LUZP2: variants seen among roughly 807,000 people sequenced by gnomAD.
LUZP2 encodes the protein leucine zipper protein 2.
A neutral mutation model predicts 51.6 loss-of-function variants in LUZP2; 52 were observed. That is an observed-to-expected ratio of 1.01 (90% CI 0.81 to 1.27). LUZP2 has a LOEUF of 1.27. Among genes scored for constraint, LUZP2 ranks in the 50% most tolerant of loss-of-function variants. LUZP2 has a pLI of 0.00. For missense variants in LUZP2, 436 were observed against 395.4 expected, an observed-to-expected ratio of 1.10 and a Z score of -0.87; for synonymous variants, 154 against 137.3, an observed-to-expected ratio of 1.12 and a Z score of -0.85.
At chr11:24,717,098 G>A (rs1332589019) in intron 1 of LUZP2, among the ~76,000 whole-genome samples, 1 of 151,970 alleles carries the variant, frequency 6.6e-6, no homozygotes, top group Non-Finnish European at 1.5e-5. Flanking sequence ...GTTCTAGGAG[G>A]AGATTTCATG....
At position 24,611,916 on chromosome 11, in the gene LUZP2, A is replaced by G. The variant is rs1365020390; in HGVS notation, c.62+114611A>G. Among the ~76,000 whole-genome samples the G allele has an allele frequency of 6.6e-6, 1 of 152,214 alleles. No individual in the cohort carries two copies. Among genetic ancestry groups the G allele is most frequent in the Non-Finnish European group, 1.5e-5 (1 of 68,020 alleles). On this transcript the variant is annotated intron_variant, in intron 1 of 11. Coordinates refer to ENST00000336930, the MANE Select transcript of LUZP2 (RefSeq NM_001009909.4). The surrounding 1 kb of genome is among the most constrained non-coding windows in gnomAD (Gnocchi z 4.6). ...TAATATAAATGTAGTCTTGAGTCAG[A>G]CAATATGTGTTATGCCAAGAAGTTT...
At chr11:24,861,556 G>T (rs912207363) in intron 5 of LUZP2, among the ~76,000 whole-genome samples, 1 of 152,044 alleles carries the variant, frequency 6.6e-6, no homozygotes, top group African/African-American at 2.4e-5. Flanking sequence ...CATAATTGCC[G>T]GGTCCGTCCC....
At chr11:24,601,848 G>GTATATATATATATATATATATATA (rs67762793) in intron 1 of LUZP2, among the ~76,000 whole-genome samples, 1 of 136,818 alleles carries the variant, frequency 7.3e-6, no homozygotes, top group East Asian at 2.1e-4. Flanking sequence ...AAATAAACAG[G>GTATATATATATATATATATATATA]TATATATATA....
chr11:24,624,765 T>C (rs568795023), intron 1 of LUZP2, among the ~76,000 whole-genome samples: 2 of 152,188 alleles, frequency 1.3e-5, no homozygotes, highest in African/African-American at 2.4e-5. Context: ...CTGAGCTCCA[T>C]ATGTGATAAT....
intron 1 of LUZP2, among the ~76,000 whole-genome samples, chr11:24,645,651 C>A (rs1249128301): frequency 6.6e-6 from 1 of 151,962 alleles, no homozygotes; most frequent in Non-Finnish European, 1.5e-5. Context: ...TAACAATCTG[C>A]CAGTAATTTT....
chr11:24,511,935 C>A (rs1458515268), intron 1 of LUZP2, among the ~76,000 whole-genome samples: 1 of 151,854 alleles, frequency 6.6e-6, no homozygotes, highest in Admixed American at 6.6e-5. Flanking sequence ...CACTAGTATC[C>A]ACATATATTT....
intron 5 of LUZP2, among the ~76,000 whole-genome samples, chr11:24,772,222 G>A (rs1316493998): frequency 6.6e-6 from 1 of 152,102 alleles, no homozygotes; most frequent in Non-Finnish European, 1.5e-5. Flanking sequence ...AATGATCTAG[G>A]GAAAACTCTA....
chr11:24,888,922 C>G (rs1852758842), intron 5 of LUZP2, among the ~76,000 whole-genome samples: 3 of 152,122 alleles, frequency 2.0e-5, no homozygotes, highest in African/African-American at 7.2e-5. Flanking sequence ...TCATCTTCAG[C>G]CATGATTGTA....
intron 5 of LUZP2, among the ~76,000 whole-genome samples, chr11:24,857,376 T>C (rs919519116): frequency 4.0e-5 from 6 of 149,918 alleles, no homozygotes; most frequent in Non-Finnish European, 7.4e-5. Context: ...TGTCAAGTAC[T>C]GAGTATAGTG....
intron 5 of LUZP2, among the ~76,000 whole-genome samples, chr11:24,882,996 A>G (rs1206767715): frequency 1.2e-4 from 18 of 147,360 alleles, no homozygotes; most frequent in African/African-American, 4.5e-4. Flanking sequence ...GGAAGGAAAG[A>G]AAAGAAAAGA....
chr11:24,882,341 G>A (rs1428012454), intron 5 of LUZP2, among the ~76,000 whole-genome samples: 1 of 149,304 alleles, frequency 6.7e-6, no homozygotes, highest in Non-Finnish European at 1.5e-5. Context: ...ATCAAGTACG[G>A]AGTTCTGATA....
At chr11:24,521,160 A>G (rs1488832360) in intron 1 of LUZP2, among the ~76,000 whole-genome samples, 2 of 152,038 alleles carry the variant, frequency 1.3e-5, no homozygotes, top group Non-Finnish European at 2.9e-5. Flanking sequence ...GGACCAGCTT[A>G]GCCAACATGG....
At chr11:24,610,060 A>C (rs888950618) in intron 1 of LUZP2, among the ~76,000 whole-genome samples, 1 of 152,248 alleles carries the variant, frequency 6.6e-6, no homozygotes, top group African/African-American at 2.4e-5. Flanking sequence ...AGACAGTCAA[A>C]GAAACAATCA....
rs192230707 is a variant in LUZP2, at chr11:24,971,642, A to T, written c.523-4949A>T. ...GCCCTGTATCTAAAATAGAAGTTTT[A>T]AAAAAAAATTATAAAAAATAATTAT... On this transcript the variant is annotated intron_variant, in intron 7 of 11. Coordinates refer to ENST00000336930, the MANE Select transcript of LUZP2 (RefSeq NM_001009909.4). Among the ~76,000 whole-genome samples, 67 of 150,948 alleles carry T rather than the reference A, an allele frequency of 4.4e-4. 1 individual carries two copies. The highest frequency in any genetic ancestry group is 1.9e-3 in the Admixed American group (29 of 15,176).
At chr11:24,532,912 A>C (rs1020971330) in intron 1 of LUZP2, among the ~76,000 whole-genome samples, 1 of 151,218 alleles carries the variant, frequency 6.6e-6, no homozygotes, top group African/African-American at 2.4e-5. Context: ...ATTTTGATAA[A>C]CATAAATCTT....
chr11:24,953,456 G>A (rs1226599348), intron 7 of LUZP2, among the ~76,000 whole-genome samples: 3 of 152,054 alleles, frequency 2.0e-5, no homozygotes, highest in East Asian at 1.9e-4. Context: ...TGTCATTAAA[G>A]TTAATAAACC....
intron 1 of LUZP2, among the ~76,000 whole-genome samples, chr11:24,549,540 T>C (rs1851661886): frequency 6.6e-6 from 1 of 152,122 alleles, no homozygotes; most frequent in Admixed American, 6.6e-5. Flanking sequence ...TCAAGTGTTA[T>C]GTACTATACA....
chr11:24,605,828 C>T (rs1405499398), intron 1 of LUZP2, among the ~76,000 whole-genome samples: 2 of 151,828 alleles, frequency 1.3e-5, no homozygotes, highest in African/African-American at 4.8e-5. Flanking sequence ...CTTATAACTT[C>T]AATTGTGTGC....
intron 5 of LUZP2, among the ~76,000 whole-genome samples, chr11:24,860,697 T>G (rs1394960779): frequency 2.6e-5 from 4 of 152,004 alleles, no homozygotes; most frequent in East Asian, 3.9e-4. Context: ...TGCAGCAGCC[T>G]ATACAAAAGA....
Sources: gnomAD v4.1 joint callset for allele counts (sites outside exome capture counted in the v4.1 genomes callset) on GRCh38, gnomAD v4.1.1 for gene constraint, Gnocchi (gnomAD v3.1) non-coding constraint, MANE v1.5 for transcripts, NCBI Gene and HGNC (gene_info 2026-07-23, HGNC 2026-07-21) for gene names.